Variants in TNS3 observed in about 807,000 individuals in gnomAD.
TNS3 encodes the protein tensin-3.
Under a neutral mutation model 140.9 loss-of-function variants are expected in TNS3, and 45 were observed. That is an observed-to-expected ratio of 0.32 (90% CI 0.25 to 0.41). TNS3 has a LOEUF of 0.41. Among genes scored for constraint, TNS3 ranks in the 10% least tolerant of loss-of-function variants. The probability of loss-of-function intolerance (pLI) is 1.00; values close to 1 mark genes in which losing one functional copy is unlikely to be tolerated. For missense variants in TNS3, 1,716 were observed against 1,906.7 expected (o/e 0.90, Z 1.86); for synonymous variants, 815 against 788.4 (o/e 1.03, Z -0.56).
intron 10 of TNS3, among the ~76,000 whole-genome samples, chr7:47,420,496 A>C (rs1345903169): frequency 6.6e-6 from 1 of 152,216 alleles, no homozygotes; most frequent in African/African-American, 2.4e-5. Context: ...AGAAACCCTC[A>C]GATAGGCATG....
At chr7:47,430,121 CTTTTCTTTTCTT>C (rs1236388900) in intron 8 of TNS3, among the ~76,000 whole-genome samples, 2 of 141,314 alleles carry the variant, frequency 1.4e-5, no homozygotes, top group African/African-American at 5.3e-5. Flanking sequence ...CTTTTCTTTT[CTTTTCTTTTCTT>C]TTTTTTTTTT....
intron 23 of TNS3, among the ~76,000 whole-genome samples, chr7:47,301,613 G>T (rs1019711905): frequency 5.0e-5 from 7 of 140,766 alleles, no homozygotes; most frequent in Non-Finnish European, 1.1e-4. Flanking sequence ...TCAAAAATTA[G>T]TATTAATGAT....
intron 1 of TNS3, chr7:47,579,523 G>T (rs938405148): frequency 2.6e-5 from 4 of 152,250 alleles, no homozygotes; most frequent in African/African-American, 9.6e-5. Flanking sequence ...TGGCTTCCTA[G>T]TAAGTGGCAG....
chr7:47,525,180 C>T (rs77476255), intron 2 of TNS3, among the ~76,000 whole-genome samples: 2,019 of 152,296 alleles, frequency 0.013, 38 homozygotes, highest in African/African-American at 0.039. Flanking sequence ...GTGGGGTCCT[C>T]CAGGCCAAAG....
chr7:47,441,729 C>T (rs953800368), intron 5 of TNS3, among the ~76,000 whole-genome samples: 24 of 152,198 alleles, frequency 1.6e-4, no homozygotes, highest in Admixed American at 1.5e-3. Flanking sequence ...GGAGTCTCCC[C>T]CAAAAGTGAC....
intron 4 of TNS3, among the ~76,000 whole-genome samples, chr7:47,452,729 G>A (rs1329621301): frequency 6.6e-6 from 1 of 152,154 alleles, no homozygotes; most frequent in Non-Finnish European, 1.5e-5. Context: ...CCCAAGAAGG[G>A]GCAGATGGGG....
chr7:47,476,250 C>A (rs1797190226), intron 4 of TNS3, among the ~76,000 whole-genome samples: 2 of 152,196 alleles, frequency 1.3e-5, no homozygotes. Flanking sequence ...CATTCAGGGC[C>A]ACACAGCTCA....
chr7:47,292,352 A>C (rs1407939061), intron 26 of TNS3, among the ~76,000 whole-genome samples: 1 of 152,270 alleles, frequency 6.6e-6, no homozygotes, highest in African/African-American at 2.4e-5. Context: ...GTGACTGCTT[A>C]GGAAAGTGGG....
intron 2 of TNS3, among the ~76,000 whole-genome samples, chr7:47,525,014 G>GT (rs1443642996): frequency 6.6e-6 from 1 of 151,962 alleles, no homozygotes; most frequent in Non-Finnish European, 1.5e-5. Flanking sequence ...TTTTTCCCTT[G>GT]TTACCTCCAC....
intron 4 of TNS3, among the ~76,000 whole-genome samples, chr7:47,469,482 A>G (rs1796855862): frequency 6.6e-6 from 1 of 152,270 alleles, no homozygotes; most frequent in Non-Finnish European, 1.5e-5. Flanking sequence ...CACTGTGGAA[A>G]GCAGTGTGGA....
intron 3 of TNS3, among the ~76,000 whole-genome samples, chr7:47,487,267 T>TG (rs1187594302): frequency 1.3e-5 from 2 of 148,714 alleles, no homozygotes; most frequent in Non-Finnish European, 3.0e-5. Flanking sequence ...CACTCCAGCC[T>TG]GGGCGACAGA....
intron 20 of TNS3, among the ~76,000 whole-genome samples, chr7:47,308,191 C>A (rs530027629): frequency 6.6e-5 from 10 of 152,248 alleles, no homozygotes; most frequent in Non-Finnish European, 1.3e-4. Context: ...GTACCACTAC[C>A]ATTTGTTGAG....
chr7:47,414,919 T>C (rs1376329423), intron 11 of TNS3, among the ~76,000 whole-genome samples, 175 bp downstream of exon 11: 2 of 152,058 alleles, frequency 1.3e-5, no homozygotes, highest in African/African-American at 2.4e-5. Context: ...CCCAACCACA[T>C]AAACATGGGG....
intron 20 of TNS3, among the ~76,000 whole-genome samples, chr7:47,341,117 T>A (rs1406327258): frequency 6.6e-6 from 1 of 152,164 alleles, no homozygotes; most frequent in Admixed American, 6.5e-5. Context: ...GTGTCAATCT[T>A]TTTATATATT....
intron 8 of TNS3, among the ~76,000 whole-genome samples, chr7:47,433,224 G>A (rs1389819350): frequency 6.6e-6 from 1 of 152,230 alleles, no homozygotes; most frequent in Non-Finnish European, 1.5e-5. Flanking sequence ...CTGCAAAGCA[G>A]GCGGATTTCG....
At chr7:47,403,006 G>C (rs1793243226) in intron 13 of TNS3, among the ~76,000 whole-genome samples, 1 of 152,210 alleles carries the variant, frequency 6.6e-6, no homozygotes, top group South Asian at 2.1e-4. Context: ...GGCAGGCAGG[G>C]AGTGTCCTGG....
At chr7:47,496,663 A>G (rs982663605) in intron 3 of TNS3, among the ~76,000 whole-genome samples, 4 of 152,236 alleles carry the variant, frequency 2.6e-5, no homozygotes, top group Non-Finnish European at 4.4e-5. Flanking sequence ...CACGCAGTAC[A>G]GAACGCCAGG....
chr7:47,334,084 C>T (rs1437082922), intron 20 of TNS3, among the ~76,000 whole-genome samples: 1 of 152,140 alleles, frequency 6.6e-6, no homozygotes, highest in Non-Finnish European at 1.5e-5. Context: ...CCTACCAAAT[C>T]CAGGAAGTCC....
chr7:47,361,205 C>A (rs1193920309), intron 17 of TNS3, among the ~76,000 whole-genome samples: 2 of 18,138 alleles, frequency 1.1e-4, no homozygotes, highest in Non-Finnish European at 6.6e-4. Flanking sequence ...AGTAACCATG[C>A]CAAAAAAAAA....
Sources: gnomAD v4.1 joint callset for allele counts (sites outside exome capture counted in the v4.1 genomes callset) on GRCh38, gnomAD v4.1.1 for gene constraint, MANE v1.5 for transcripts, NCBI Gene and HGNC (gene_info 2026-07-23, HGNC 2026-07-21) for gene names.